NSD2: variants seen among roughly 807,000 people sequenced by gnomAD.
NSD2 encodes nuclear receptor binding SET domain protein 2.
NSD2 carries 12 observed loss-of-function variants against 139.0 expected under a neutral mutation model. The ratio of observed to expected loss-of-function variants is 0.09; its 90% CI spans 0.06 to 0.14. NSD2 has a LOEUF of 0.14. Among genes scored for constraint, NSD2 ranks in the 10% least tolerant of loss-of-function variants. NSD2 has a pLI of 1.00. For missense variants in NSD2, 1,155 were observed against 1,745.0 expected (o/e 0.66, Z 6.02); for synonymous variants, 669 against 648.7 (o/e 1.03, Z -0.48).
chr4:1,965,733 A>G (rs1158402312), intron 18 of NSD2, among the ~76,000 whole-genome samples: 7 of 152,232 alleles, frequency 4.6e-5, no homozygotes, highest in Admixed American at 1.3e-4. Flanking sequence ...GAAACTTACC[A>G]TCACGGTGAA....
Position 1,982,063 on chromosome 4 carries a change from T to G in NSD2, c.*3154T>G. 2.5e-6 allele frequency: 1 copy of G among 397,520 alleles called. No individual in the cohort carries two copies. The highest frequency in any genetic ancestry group is 4.4e-6 in the Non-Finnish European group (1 of 225,810). 24.6% of individuals were successfully genotyped at this position (397,520 alleles called of 1,614,324 possible). On this transcript the variant is annotated 3_prime_UTR_variant, in exon 22 of 22. Transcript: ENST00000508803. The stretch of plus-strand genomic sequence containing the variant: ...TAGACTTAAAAACTTGAAATTCACT[T>G]TTTGGGGGGAGGGATATACTGAAAT...
At position 1,981,277 on chromosome 4, in the gene NSD2, T is replaced by C; in HGVS notation, c.*2368T>C. The C allele has an allele frequency of 8.6e-6, 2 of 233,330 alleles. No homozygotes were observed. The highest frequency in any genetic ancestry group is 1.2e-4 in the East Asian group (2 of 16,596). The allele number at this position is 233,330 out of a possible 1,614,324, so 14.5% of individuals were successfully genotyped here. On this transcript the variant is annotated 3_prime_UTR_variant, in exon 22 of 22. Coordinates refer to ENST00000508803, the MANE Select transcript of NSD2 (RefSeq NM_001042424.3). Reference sequence around the variant, plus strand: ...TCTACAATACCCGTTGATAACTCAGTGGAGCCAGGCTTTGGGGTAGCGGCC... The same window carrying C: ...TCTACAATACCCGTTGATAACTCAGCGGAGCCAGGCTTTGGGGTAGCGGCC...
chr4:1,933,132 AC>A (rs1206215848), intron 6 of NSD2, among the ~76,000 whole-genome samples: 1 of 152,208 alleles, frequency 6.6e-6, no homozygotes, highest in Non-Finnish European at 1.5e-5. Flanking sequence ...CCCCCATCAC[AC>A]CAGGCTGGAA....
At chr4:1,882,603 G>A (rs1429241398) in intron 1 of NSD2, among the ~76,000 whole-genome samples, 1 of 152,170 alleles carries the variant, frequency 6.6e-6, no homozygotes, top group Admixed American at 6.5e-5. Flanking sequence ...GGTGGAGCTT[G>A]CAGTGAGCTG....
At position 1,957,041 on chromosome 4, in the gene NSD2, G is replaced by A. The variant is rs543370149; in HGVS notation, c.2881+853G>A. Among the ~76,000 whole-genome samples the A allele has an allele frequency of 1.1e-4, 16 of 152,292 alleles. No homozygotes were observed. In the South Asian group the frequency reaches 3.1e-3, roughly 30 times the overall value. ...AGAGGTGGACTTATGTGTTTGCTGC[G>A]ACTGTCGGCAAAGTCTCCTAACTGT... On this transcript the variant is annotated intron_variant, in intron 15 of 21. Transcript: ENST00000508803.
chr4:1,948,096 G>A lies in NSD2; in HGVS notation c.1882-2976G>A, dbSNP rs762266599. On this transcript the variant is annotated intron_variant, in intron 9 of 21. Coordinates refer to ENST00000508803, the MANE Select transcript of NSD2 (RefSeq NM_001042424.3). The surrounding 1 kb of genome is among the most constrained non-coding windows in gnomAD (Gnocchi z 4.5). ...AGGAATGTATTTCTAAGGCAAATAG[G>A]CAACTTGGTACTATCTTATTCTGAG... 5 of 1,059,164 alleles carry A rather than the reference G, an allele frequency of 4.7e-6. No homozygotes were observed. Among genetic ancestry groups the A allele is most frequent in the Non-Finnish European group, 5.7e-6 (5 of 875,172 alleles). The allele number at this position is 1,059,164 out of a possible 1,614,324, so 65.6% of individuals were successfully genotyped here.
intron 18 of NSD2, among the ~76,000 whole-genome samples, chr4:1,966,723 T>A (rs1325989009): frequency 1.3e-5 from 2 of 152,038 alleles, no homozygotes; most frequent in East Asian, 3.8e-4. Flanking sequence ...GGTATTGTAA[T>A]TTAGTTTGTA....
At chr4:1,895,779 T>C (rs1461707138) in intron 1 of NSD2, among the ~76,000 whole-genome samples, 1 of 152,214 alleles carries the variant, frequency 6.6e-6, no homozygotes, top group Middle Eastern at 3.2e-3. Flanking sequence ...TAGACCTGTT[T>C]TGACATTTTT....
intron 9 of NSD2, chr4:1,943,514 C>T (rs750290666): frequency 1.3e-5 from 14 of 1,047,386 alleles, no homozygotes; most frequent in African/African-American, 8.3e-5. Flanking sequence ...ATTATGCATG[C>T]GAGGATGAAA....
intron 8 of NSD2, 108 bp downstream of exon 8, chr4:1,938,640 AG>A (rs1189983604): frequency 2.0e-5 from 16 of 806,916 alleles, no homozygotes; most frequent in Non-Finnish European, 2.7e-5. Context: ...GAAGGGGAAC[AG>A]GGCAGGGGAG....
In NSD2 at chr4:1,948,390, T is replaced by A. The variant is rs1723858586; in HGVS notation, c.1882-2682T>A. 1 of 1,066,128 alleles carries A rather than the reference T, an allele frequency of 9.4e-7. No individual in the cohort carries two copies. Among genetic ancestry groups the A allele is most frequent in the Non-Finnish European group, 1.1e-6 (1 of 878,936 alleles). The allele number at this position is 1,066,128 out of a possible 1,614,324, so 66.0% of individuals were successfully genotyped here. On this transcript the variant is annotated intron_variant, in intron 9 of 21. Coordinates refer to ENST00000508803, the MANE Select transcript of NSD2 (RefSeq NM_001042424.3). The surrounding 1 kb of genome is among the most constrained non-coding windows in gnomAD (Gnocchi z 4.5). Reference sequence around the variant, plus strand: ...ATGTGCCACCTCCACAAATGGCTTCTCCGAGTGAGTCACGTCACCTGGTGC... The same window carrying A: ...ATGTGCCACCTCCACAAATGGCTTCACCGAGTGAGTCACGTCACCTGGTGC...
chr4:1,946,787 G>C (rs1197370208), intron 9 of NSD2: 2 of 1,052,582 alleles, frequency 1.9e-6, no homozygotes, highest in Non-Finnish European at 2.3e-6. Context: ...GATGAGCAAG[G>C]AGCATGCTTC....
rs575745542 is a variant in NSD2 at position 1,966,394 on chromosome 4, C to T, written c.3372+5243C>T. The stretch of plus-strand genomic sequence containing the variant: ...AGATAGGGCTGGGCATGGTGGCTCA[C>T]GCCTGTAATTCCAGCGCTTTGGGAG... On this transcript the variant is annotated intron_variant, in intron 18 of 21. Transcript: ENST00000508803. 1.9e-4 allele frequency among the ~76,000 whole-genome samples: 29 copies of T among 152,114 alleles called. No individual in the cohort carries two copies. The South Asian group carries it at 5.6e-3, about 29-fold the overall frequency.
intron 1 of NSD2, chr4:1,892,087 C>G (rs1307762206): frequency 6.6e-6 from 1 of 152,112 alleles, no homozygotes. Context: ...GTTTGTTGCT[C>G]TATTTCCAAG....
At position 1,928,887 on chromosome 4, in the gene NSD2, G is replaced by C. The variant is rs979104230; in HGVS notation, c.1411-1739G>C. ...AGGCCCTTGGAGCTTGAAGAGTTGG[G>C]AGTGAGTGGGCTCATGGAGTGAGTC... On this transcript the variant is annotated intron_variant, in intron 5 of 21. Transcript: ENST00000508803. Among the ~76,000 whole-genome samples, 19 of 152,254 alleles carry C rather than the reference G, an allele frequency of 1.2e-4. No homozygotes were observed. In the Middle Eastern group the frequency reaches 0.01, roughly 82 times the overall value.
intron 17 of NSD2, 58 bp from the exon 18 acceptor site, chr4:1,960,977 C>A: frequency 6.9e-7 from 1 of 1,440,802 alleles, no homozygotes; most frequent in Non-Finnish European, 9.7e-7. Flanking sequence ...TCTTGAGCCC[C>A]GACACTGAGG....
intron 6 of NSD2, among the ~76,000 whole-genome samples, chr4:1,934,868 AAAAAAAAAAAATAT>A (rs1490116437): frequency 3.9e-4 from 37 of 94,218 alleles, no homozygotes; most frequent in African/African-American, 1.4e-3. Context: ...AAAAAAAAAA[AAAAAAAAAAAATAT>A]ATATATATAT....
At chr4:1,963,186 A>T (rs1725541391) in intron 18 of NSD2, among the ~76,000 whole-genome samples, 1 of 152,218 alleles carries the variant, frequency 6.6e-6, no homozygotes, top group African/African-American at 2.4e-5. Context: ...CTGGAGCAAA[A>T]AGGCAAGATG....
intron 5 of NSD2, 137 bp downstream of exon 5, chr4:1,918,760 AGT>A: frequency 1.6e-6 from 2 of 1,220,310 alleles, no homozygotes; most frequent in Non-Finnish European, 2.2e-6. Context: ...CTAATAAATA[AGT>A]ATTAGGGAAC....
Sources: gnomAD v4.1 joint callset for allele counts (sites outside exome capture counted in the v4.1 genomes callset) on GRCh38, gnomAD v4.1.1 for gene constraint, Gnocchi (gnomAD v3.1) non-coding constraint, MANE v1.5 for transcripts, NCBI Gene and HGNC (gene_info 2026-07-23, HGNC 2026-07-21) for gene names.